Variants in LRP6 observed in about 807,000 individuals in gnomAD.
The protein encoded by LRP6 is LDL receptor related protein 6, also known as low-density lipoprotein receptor-related protein 6.
LRP6 carries 43 observed loss-of-function variants against 184.1 expected under a neutral mutation model. The ratio of observed to expected loss-of-function variants is 0.23; its 90% CI spans 0.18 to 0.30. LRP6 has a LOEUF of 0.30. Among genes scored for constraint, LRP6 ranks in the 10% least tolerant of loss-of-function variants. The pLI is 1.00. For synonymous variants in LRP6, 719 were observed against 684.9 expected (o/e 1.05, Z -0.78); for missense variants, 1,571 against 2,005.3 (o/e 0.78, Z 4.14).
intron 15 of LRP6, among the ~76,000 whole-genome samples, chr12:12,146,333 G>A (rs1338043823): frequency 1.3e-5 from 2 of 152,188 alleles, no homozygotes; most frequent in African/African-American, 4.8e-5. Flanking sequence ...ATGAGGGCAT[G>A]TAATTTTCTA....
At chr12:12,204,831 G>A (rs1481211376) in intron 2 of LRP6, among the ~76,000 whole-genome samples, 1 of 150,650 alleles carries the variant, frequency 6.6e-6, no homozygotes, top group Admixed American at 6.6e-5. Context: ...GCCAGGAGTG[G>A]TGGTGGGTGC....
At position 12,267,002 on chromosome 12, in the gene LRP6, G is replaced by A. The variant is rs1865791928; in HGVS notation, c.-267C>T. On this transcript the variant is annotated 5_prime_UTR_variant, in exon 1 of 23. Transcript: ENST00000261349. ...CCCGGCGCCCCGCTTCCCCCGCGCA[G>A]CTCCTCATTCAGCCTCTGCCTCGCG... 2 of 520,186 alleles carry A rather than the reference G, an allele frequency of 3.8e-6. No individual in the cohort carries two copies. The highest frequency in any genetic ancestry group is 4.0e-5 in the Admixed American group (1 of 25,012). 32.2% of individuals were successfully genotyped at this position (520,186 alleles called of 1,614,324 possible).
chr12:12,234,538 T>C (rs1864882299), intron 2 of LRP6, among the ~76,000 whole-genome samples: 1 of 151,448 alleles, frequency 6.6e-6, no homozygotes, highest in Admixed American at 6.6e-5. Flanking sequence ...ATTATAAGAA[T>C]ATACACATTC....
chr12:12,253,608 TG>T (rs1422856661), intron 1 of LRP6, among the ~76,000 whole-genome samples: 9 of 134,150 alleles, frequency 6.7e-5, no homozygotes, highest in African/African-American at 2.5e-4. Context: ...TGGTGTGTGA[TG>T]TTCCCCTTCC....
Position 12,258,686 on chromosome 12 carries a change from A to T in LRP6, c.55+7995T>A, listed in dbSNP as rs117232670. ...ATAAAGACAATATAATGTGTAGCTA[A>T]GAATTCATGGTAATGAAGTTCACTC... On this transcript the variant is annotated intron_variant, in intron 1 of 22. Transcript: ENST00000261349. Among the ~76,000 whole-genome samples, 3 of 152,386 alleles carry T rather than the reference A, an allele frequency of 2.0e-5. No individual in the cohort carries two copies. In the East Asian group the frequency reaches 5.8e-4, roughly 29 times the overall value.
intron 2 of LRP6, among the ~76,000 whole-genome samples, chr12:12,213,001 A>G (rs1486183984): frequency 6.6e-6 from 1 of 152,206 alleles, no homozygotes; most frequent in Non-Finnish European, 1.5e-5. Context: ...ATTGTTGAAT[A>G]TATTTTTCAT....
At chr12:12,230,438 G>T (rs967499246) in intron 2 of LRP6, among the ~76,000 whole-genome samples, 2 of 151,968 alleles carry the variant, frequency 1.3e-5, no homozygotes, top group African/African-American at 4.8e-5. Flanking sequence ...CTAAAGGGAT[G>T]AAATTTCACC....
chr12:12,205,325 C>CAAAAAAAAAAAAAAAAAAAAAAAA (rs1334062234), intron 2 of LRP6, among the ~76,000 whole-genome samples: 1 of 26,230 alleles, frequency 3.8e-5, no homozygotes, highest in African/African-American at 9.6e-5. Flanking sequence ...CTGTCTCAAA[C>CAAAAAAAAAAAAAAAAAAAAAAAA]AAACAAAAAA....
At chr12:12,265,489 A>C (rs546341689) in intron 1 of LRP6, among the ~76,000 whole-genome samples, 1 of 152,348 alleles carries the variant, frequency 6.6e-6, no homozygotes, top group East Asian at 1.9e-4. Context: ...ACAGACTATT[A>C]GTTACTATTA....
At chr12:12,155,218 A>AC in intron 12 of LRP6, 1 of 665,888 alleles carries the variant, frequency 1.5e-6, no homozygotes, top group Non-Finnish European at 2.8e-6. Context: ...AAACAAACAA[A>AC]AAGTCTTTCA....
intron 5 of LRP6, 78 bp from the exon 6 acceptor site, chr12:12,181,517 A>G (rs1052085877): frequency 1.3e-6 from 1 of 795,678 alleles, no homozygotes; most frequent in African/African-American, 1.7e-5. Flanking sequence ...AGAATCAAGA[A>G]CTGAAAAATA....
chr12:12,178,861 G>T (rs1415284915), intron 7 of LRP6, among the ~76,000 whole-genome samples: 2 of 152,194 alleles, frequency 1.3e-5, no homozygotes, highest in South Asian at 4.1e-4. Context: ...CATTTTGGAA[G>T]CAAGGCCTTG....
intron 3 of LRP6, among the ~76,000 whole-genome samples, chr12:12,193,688 A>T (rs1200148801): frequency 2.0e-5 from 3 of 152,218 alleles, no homozygotes; most frequent in East Asian, 1.9e-4. Flanking sequence ...CTCAAGAAGA[A>T]ACAGAAAATC....
In LRP6 at chr12:12,267,020, G is replaced by A. The variant is rs1388078239; in HGVS notation, c.-285C>T. 4.2e-6 allele frequency: 2 copies of A among 481,420 alleles called. No homozygotes were observed. Among genetic ancestry groups the A allele is most frequent in the Admixed American group, 4.3e-5 (1 of 23,314 alleles). 29.8% of individuals were successfully genotyped at this position (481,420 alleles called of 1,614,324 possible). Reference sequence around the variant, plus strand: ...CCGCGCAGCTCCTCATTCAGCCTCTGCCTCGCGCAGCGGCGCAGGGATACG... The same window carrying A: ...CCGCGCAGCTCCTCATTCAGCCTCTACCTCGCGCAGCGGCGCAGGGATACG... On this transcript the variant is annotated 5_prime_UTR_variant, in exon 1 of 23. Transcript: ENST00000261349.
chr12:12,266,234 A>G (rs1865755342), intron 1 of LRP6, among the ~76,000 whole-genome samples: 1 of 152,202 alleles, frequency 6.6e-6, no homozygotes, highest in Non-Finnish European at 1.5e-5. Flanking sequence ...AAGTTCACCT[A>G]AGAAACACCG....
chr12:12,126,658 G>C, intron 20 of LRP6, 33 bp downstream of exon 20: 1 of 1,557,152 alleles, frequency 6.4e-7, no homozygotes, highest in Non-Finnish European at 8.9e-7. Context: ...CAGGACCAAA[G>C]ACTTGATTCT....
chr12:12,198,530 C>CTTTTTTTTTTT (rs56150307), intron 3 of LRP6, among the ~76,000 whole-genome samples: 5 of 76,988 alleles, frequency 6.5e-5, no homozygotes, highest in Non-Finnish European at 5.0e-5. Flanking sequence ...GAATTTTTCT[C>CTTTTTTTTTTT]TTTTTTTTTT....
intron 10 of LRP6, 144 bp downstream of exon 10, chr12:12,162,049 G>A (rs1344109951): frequency 3.0e-6 from 2 of 658,952 alleles, no homozygotes; most frequent in Middle Eastern, 2.5e-4. Flanking sequence ...AATATCAATA[G>A]TGTTTTTAAA....
intron 3 of LRP6, among the ~76,000 whole-genome samples, chr12:12,200,253 A>T (rs1275967908): frequency 6.6e-6 from 1 of 152,178 alleles, no homozygotes; most frequent in Non-Finnish European, 1.5e-5. Flanking sequence ...AATTTGCATA[A>T]TCCTGGAGAA....
Sources: allele counts gnomAD v4.1 joint callset (sites outside exome capture counted in the v4.1 genomes callset), GRCh38; gene constraint gnomAD v4.1.1; transcripts MANE v1.5; gene names NCBI Gene and HGNC (gene_info 2026-07-23, HGNC 2026-07-21).